The following KIAA1958 variants were observed in gnomAD, a reference collection of about 807,000 sequenced individuals.
KIAA1958 encodes the protein KIAA1958.
A neutral mutation model predicts 47.2 loss-of-function variants in KIAA1958; 14 were observed. The ratio of observed to expected loss-of-function variants is 0.30; its 90% CI spans 0.20 to 0.46. The LOEUF is 0.46. Among genes scored for constraint, KIAA1958 ranks in the 20% least tolerant of loss-of-function variants. The probability of loss-of-function intolerance (pLI) is 1.00; values close to 1 mark genes in which losing one functional copy is unlikely to be tolerated. For missense variants in KIAA1958, 803 were observed against 909.2 expected (o/e 0.88, Z 1.50); for synonymous variants, 354 against 353.3 (o/e 1.00, Z -0.02).
intron 1 of KIAA1958, among the ~76,000 whole-genome samples, chr9:112,555,613 TCTCACAGTATG>T (rs1225648770): frequency 1.3e-5 from 2 of 152,216 alleles, no homozygotes; most frequent in African/African-American, 4.8e-5. Context: ...CTTCTCGTCT[TCTCACAGTATG>T]CTCACAGTAT....
chr9:112,642,410 A>G (rs776126167), intron 2 of KIAA1958, among the ~76,000 whole-genome samples: 2 of 152,218 alleles, frequency 1.3e-5, no homozygotes, highest in Non-Finnish European at 2.9e-5. Flanking sequence ...TCCCTTGTCC[A>G]TGTCCAATGG....
intron 1 of KIAA1958, among the ~76,000 whole-genome samples, chr9:112,510,387 A>G (rs1026016273): frequency 9.9e-5 from 15 of 152,186 alleles, no homozygotes; most frequent in Non-Finnish European, 1.6e-4. Context: ...TGGGAGCCCA[A>G]TTCTTCCAGA....
chr9:112,560,179 CTGCTTTT>C, intron 1 of KIAA1958, among the ~76,000 whole-genome samples: 1 of 146,658 alleles, frequency 6.8e-6, no homozygotes, highest in South Asian at 2.2e-4. Flanking sequence ...ATTTTTGAAG[CTGCTTTT>C]TTTTTCTTTT....
chr9:112,518,710 T>C (rs929359093), intron 1 of KIAA1958, among the ~76,000 whole-genome samples: 1 of 152,206 alleles, frequency 6.6e-6, no homozygotes, highest in African/African-American at 2.4e-5. Flanking sequence ...ATTTAAAATA[T>C]GTGCAATTCA....
At chr9:112,583,372 A>G (rs750096117) in intron 2 of KIAA1958, among the ~76,000 whole-genome samples, 7 of 152,240 alleles carry the variant, frequency 4.6e-5, no homozygotes, top group African/African-American at 1.7e-4. Flanking sequence ...AAATGGGGAC[A>G]TGCTGGTGGA....
In KIAA1958 at chr9:112,647,936, C is replaced by T. The variant is rs1489721025; in HGVS notation, c.1344+2114C>T. ...CAAGTTCACTAGAAAGAAATTTCAT[C>T]GTTTATTGAGAAAAAAATGACAAAA... On this transcript the variant is annotated intron_variant, in intron 3 of 3. Coordinates refer to ENST00000337530, the MANE Select transcript of KIAA1958 (RefSeq NM_133465.4). Among the ~76,000 whole-genome samples, 3 of 152,096 alleles carry T rather than the reference C, an allele frequency of 2.0e-5. No homozygotes were observed. The East Asian group carries it at 5.8e-4, about 29-fold the overall frequency.
intron 2 of KIAA1958, among the ~76,000 whole-genome samples, chr9:112,614,582 C>CT (rs1836379579): frequency 6.6e-6 from 1 of 152,176 alleles, no homozygotes; most frequent in East Asian, 1.9e-4. Context: ...AAAACTATTT[C>CT]TTTCCCTCTT....
In KIAA1958 at chr9:112,618,382, T is replaced by C; in HGVS notation, c.1172-27268T>C. 6.4e-7 allele frequency: 1 copy of C among 1,551,288 alleles called. No individual in the cohort carries two copies. Among genetic ancestry groups the C allele is most frequent in the Non-Finnish European group, 8.7e-7 (1 of 1,147,142 alleles). On this transcript the variant is annotated intron_variant, in intron 2 of 3. Transcript: ENST00000337530. This position sits in a 1 kb window ranked among gnomAD's most constrained non-coding sequence, Gnocchi z 7.1. ...CTTTTGGGCATTGCACAGGCTTCCA[T>C]GGATCTACCTTAAAATGGGGTGATA...
chr9:112,496,084 C>T (rs1413529367), intron 1 of KIAA1958, among the ~76,000 whole-genome samples: 1 of 152,132 alleles, frequency 6.6e-6, no homozygotes, highest in Non-Finnish European at 1.5e-5. Flanking sequence ...AGAGGAGGAA[C>T]TACCCAGAAA....
At chr9:112,513,593 CGCT>C (rs1200761419) in intron 1 of KIAA1958, among the ~76,000 whole-genome samples, 4 of 131,724 alleles carry the variant, frequency 3.0e-5, no homozygotes, top group East Asian at 4.3e-4. Context: ...GAAGCGGAGC[CGCT>C]GCCGCGACCG....
chr9:112,516,291 AGTC>A (rs905333179), intron 1 of KIAA1958, among the ~76,000 whole-genome samples: 4 of 150,512 alleles, frequency 2.7e-5, no homozygotes, highest in East Asian at 4.7e-4. Context: ...AAAAAAAAAA[AGTC>A]AGTTGTATTT....
chr9:112,654,054 G>A (rs1837108378), intron 3 of KIAA1958, among the ~76,000 whole-genome samples: 1 of 152,112 alleles, frequency 6.6e-6, no homozygotes, highest in East Asian at 1.9e-4. Context: ...CTACTTGATC[G>A]GAGAAGCAGC....
At chr9:112,487,278 G>C (rs950918455) in intron 1 of KIAA1958, 160 bp downstream of exon 1, 2 of 154,286 alleles carry the variant, frequency 1.3e-5, no homozygotes, top group African/African-American at 4.8e-5. Context: ...GTCTCCTCTC[G>C]GGGGAGCGAG....
At chr9:112,529,382 T>A (rs528780257) in intron 1 of KIAA1958, among the ~76,000 whole-genome samples, 1 of 152,362 alleles carries the variant, frequency 6.6e-6, no homozygotes, top group East Asian at 1.9e-4. Flanking sequence ...TATTTGAATT[T>A]CCTTAGTTTT....
intron 2 of KIAA1958, among the ~76,000 whole-genome samples, chr9:112,637,832 T>C (rs191359588): frequency 6.6e-6 from 1 of 152,322 alleles, no homozygotes; most frequent in East Asian, 1.9e-4. Flanking sequence ...TTTGTCCTTT[T>C]TTTCCAGTTT....
Position 112,664,569 on chromosome 9 carries a change from A to G in KIAA1958, c.*4500A>G, listed in dbSNP as rs191947697. On this transcript the variant is annotated 3_prime_UTR_variant, in exon 4 of 4. Coordinates refer to ENST00000337530, the MANE Select transcript of KIAA1958 (RefSeq NM_133465.4). ...GCTGGTAACAGCTCTGAACAGAAGT[A>G]TGTATTAAATGTTTCAAACTTGTAT... 1 of 152,378 alleles carries G rather than the reference A, an allele frequency of 6.6e-6. No individual in the cohort carries two copies. The highest frequency in any genetic ancestry group is 6.5e-5 in the Admixed American group (1 of 15,302). The allele number at this position is 152,378 out of a possible 1,614,324, so 9.4% of individuals were successfully genotyped here. A position where few individuals can be genotyped will look rare whatever the true frequency, so the allele number is the denominator to read the frequency against.
intron 2 of KIAA1958, chr9:112,617,850 T>C (rs1836432782): frequency 6.6e-7 from 1 of 1,514,230 alleles, no homozygotes; most frequent in South Asian, 1.2e-5. Flanking sequence ...TCTCTATCCC[T>C]CCCCCCCCAA....
intron 2 of KIAA1958, among the ~76,000 whole-genome samples, chr9:112,580,647 C>T (rs1191765248): frequency 2.6e-5 from 4 of 151,972 alleles, no homozygotes; most frequent in Admixed American, 6.6e-5. Context: ...ATTAGCCCAG[C>T]GTGGTGGCAG....
chr9:112,501,677 G>C (rs1022634012), intron 1 of KIAA1958, among the ~76,000 whole-genome samples: 1 of 152,164 alleles, frequency 6.6e-6, no homozygotes, highest in Non-Finnish European at 1.5e-5. Context: ...GACGGGAAGG[G>C]CATGAGGTCA....
Sources: allele counts gnomAD v4.1 joint callset (sites outside exome capture counted in the v4.1 genomes callset), GRCh38; gene constraint gnomAD v4.1.1; non-coding constraint Gnocchi (gnomAD v3.1); transcripts MANE v1.5; gene names NCBI Gene and HGNC (gene_info 2026-07-23, HGNC 2026-07-21).